Variants in EYA2 observed in about 807,000 individuals in gnomAD.
The protein encoded by EYA2 is protein phosphatase EYA2.
A neutral mutation model predicts 69.2 loss-of-function variants in EYA2; 31 were observed. That is an observed-to-expected ratio of 0.45 (90% confidence interval 0.34 to 0.60). The LOEUF (loss-of-function observed/expected upper bound fraction) is 0.60, where lower values mean the gene tolerates loss of function less well. EYA2 is among the 20% of genes least tolerant of loss of function. EYA2 has a pLI of 0.02. For missense variants in EYA2, 622 were observed against 701.2 expected, an observed-to-expected ratio of 0.89 and a Z score of 1.28; for synonymous variants, 257 against 279.4, an observed-to-expected ratio of 0.92 and a Z score of 0.80.
chr20:47,134,156 G>A (rs6066209), intron 9 of EYA2, among the ~76,000 whole-genome samples: 1 of 152,056 alleles, frequency 6.6e-6, no homozygotes, highest in Non-Finnish European at 1.5e-5. Flanking sequence ...CTCTTCCCAA[G>A]TAAAGACCAC....
At chr20:46,957,291 A>C (rs764152762) in intron 1 of EYA2, among the ~76,000 whole-genome samples, 22 of 152,174 alleles carry the variant, frequency 1.4e-4, no homozygotes, top group Non-Finnish European at 2.8e-4. Context: ...CAAGCCTATC[A>C]ATTATACACA....
chr20:47,022,141 G>C (rs1335146596), intron 5 of EYA2, among the ~76,000 whole-genome samples: 2 of 152,190 alleles, frequency 1.3e-5, no homozygotes, highest in Non-Finnish European at 2.9e-5. Flanking sequence ...TAGAATTCAG[G>C]AGGCAATTTT....
At chr20:46,948,127 A>G (rs1978580926) in intron 1 of EYA2, among the ~76,000 whole-genome samples, 1 of 151,994 alleles carries the variant, frequency 6.6e-6, no homozygotes, top group African/African-American at 2.4e-5. Context: ...AAAAAAAGAA[A>G]AAGAAAAAAG....
At chr20:47,112,090 G>A (rs545327416) in intron 9 of EYA2, among the ~76,000 whole-genome samples, 35 of 152,258 alleles carry the variant, frequency 2.3e-4, no homozygotes, top group Non-Finnish European at 2.6e-4. Flanking sequence ...GCAGTGAGCC[G>A]AGGTGGCACC....
chr20:47,025,860 A>G (rs1984048837), intron 5 of EYA2, among the ~76,000 whole-genome samples: 1 of 152,192 alleles, frequency 6.6e-6, no homozygotes, highest in East Asian at 1.9e-4. Context: ...GTTTTTGCCA[A>G]TCTGATGCGT....
At chr20:47,116,012 G>A (rs2032880285) in intron 9 of EYA2, among the ~76,000 whole-genome samples, 2 of 152,132 alleles carry the variant, frequency 1.3e-5, no homozygotes, top group African/African-American at 4.8e-5. Context: ...AGTGTTGCCT[G>A]TCCAGTGTGG....
At chr20:47,110,249 A>G (rs1347817004) in intron 9 of EYA2, among the ~76,000 whole-genome samples, 1 of 151,972 alleles carries the variant, frequency 6.6e-6, no homozygotes, top group Admixed American at 6.6e-5. Context: ...TTTATTTTTT[A>G]TTTTATTTTT....
intron 4 of EYA2, among the ~76,000 whole-genome samples, chr20:47,007,376 G>C (rs1400773018): frequency 6.6e-6 from 1 of 152,226 alleles, no homozygotes; most frequent in Non-Finnish European, 1.5e-5. Flanking sequence ...GCCATGTGCA[G>C]GCACAGACAG....
chr20:47,167,280 C>CTTTTTTTTTTTTTTTTTTTTTT (rs11470455), intron 10 of EYA2, among the ~76,000 whole-genome samples: 1 of 111,728 alleles, frequency 9.0e-6, no homozygotes, highest in Non-Finnish European at 1.7e-5. Flanking sequence ...GGTTTTTTTA[C>CTTTTTTTTTTTTTTTTTTTTTT]TTTTTTTTTT....
rs202115929 is a variant in EYA2 at position 47,074,233 on chromosome 20, G to A, written c.559G>A (p.Val187Ile). ...YYGSSYNPPY[V>I]PASSICPSPL... ...CGGCTCATCCTACAACCCTCCCTAC[G>A]TCCCGGCCAGCAGCATCTGCCCTTC... Residue 187 changes from valine to isoleucine, a missense_variant, in exon 7 of 16, where the codon GTC becomes ATC. Val to Ile is a conservative substitution (Grantham distance 29). Around this residue, in one of 2 missense-constraint regions of EYA2, gnomAD observed 365 missense variants for 349.7 expected, o/e 1.04. Coordinates refer to ENST00000327619, the MANE Select transcript of EYA2 (RefSeq NM_005244.5). The A allele has an allele frequency of 7.1e-5, 114 of 1,613,780 alleles. 1 individual carries two copies. The highest frequency in any genetic ancestry group is 9.3e-5 in the African/African-American group (7 of 74,922).
At chr20:47,184,413 CTTTTTTT>C (rs36118012) in intron 15 of EYA2, among the ~76,000 whole-genome samples, 1 of 117,898 alleles carries the variant, frequency 8.5e-6, no homozygotes, top group Non-Finnish European at 1.7e-5. Context: ...CATTGCATCC[CTTTTTTT>C]TTTTTTTTTT....
At chr20:47,027,840 TTTTG>T (rs1273673102) in intron 5 of EYA2, among the ~76,000 whole-genome samples, 1 of 152,208 alleles carries the variant, frequency 6.6e-6, no homozygotes, top group African/African-American at 2.4e-5. Context: ...GAATTTTTAA[TTTTG>T]TTTAATTTTA....
chr20:47,030,300 A>T (rs952413167), intron 5 of EYA2, among the ~76,000 whole-genome samples: 8 of 152,164 alleles, frequency 5.3e-5, no homozygotes, highest in Non-Finnish European at 7.3e-5. Flanking sequence ...CCTCCAATAA[A>T]AGTGTCCCCA....
chr20:47,166,009 T>A (rs902582321), intron 10 of EYA2, among the ~76,000 whole-genome samples: 1 of 151,774 alleles, frequency 6.6e-6, no homozygotes, highest in African/African-American at 2.4e-5. Flanking sequence ...GGGCAACATA[T>A]TGAGACCCTA....
intron 9 of EYA2, among the ~76,000 whole-genome samples, chr20:47,129,016 C>T (rs4809627): frequency 0.58 from 88,606 of 151,992 alleles, 26,487 homozygotes; most frequent in African/African-American, 0.71. Flanking sequence ...CCCAGCTACT[C>T]AGGAGGCTGA....
chr20:47,009,761 GCTGT>G (rs753118664), intron 4 of EYA2, among the ~76,000 whole-genome samples: 16 of 152,308 alleles, frequency 1.1e-4, no homozygotes, highest in South Asian at 2.1e-4. Context: ...AAACGAATGG[GCTGT>G]CTATGTCTCA....
chr20:46,899,972 A>T (rs1164611838), intron 1 of EYA2, among the ~76,000 whole-genome samples: 1 of 152,254 alleles, frequency 6.6e-6, no homozygotes, highest in African/African-American at 2.4e-5. Context: ...AAACATCTTT[A>T]AAAATGAACA....
chr20:47,129,524 GGTTACTA>G (rs1358868896), intron 9 of EYA2, among the ~76,000 whole-genome samples: 1 of 152,216 alleles, frequency 6.6e-6, no homozygotes, highest in Non-Finnish European at 1.5e-5. Context: ...AAGAGTAGGT[GGTTACTA>G]GAGCACATGA....
At chr20:47,006,926 AG>A (rs1955759509) in intron 4 of EYA2, among the ~76,000 whole-genome samples, 1 of 152,118 alleles carries the variant, frequency 6.6e-6, no homozygotes, top group African/African-American at 2.4e-5. Context: ...TAGAAAAAAA[AG>A]TTTTTTTAAT....
Sources: allele counts gnomAD v4.1 joint callset (sites outside exome capture counted in the v4.1 genomes callset), GRCh38; gene constraint gnomAD v4.1.1; regional missense constraint gnomAD v4.1.1; transcripts MANE v1.5; gene names NCBI Gene and HGNC (gene_info 2026-07-23, HGNC 2026-07-21).